Variants in NEK3 observed in about 807,000 individuals in gnomAD.
NEK3 encodes NIMA related kinase 3, also known as serine/threonine-protein kinase Nek3.
Under a neutral mutation model 66.0 loss-of-function variants are expected in NEK3, and 54 were observed. The ratio of observed to expected loss-of-function variants is 0.82; its 90% confidence interval spans 0.66 to 1.03. NEK3 has a LOEUF of 1.03. NEK3 is among the 50% of genes least tolerant of loss of function. NEK3 has a pLI of 0.00. For missense variants in NEK3, 593 were observed against 603.0 expected, an observed-to-expected ratio of 0.98 and a Z score of 0.17; for synonymous variants, 200 against 206.2, an observed-to-expected ratio of 0.97 and a Z score of 0.26.
chr13:52,140,137 C>T (rs542806215), intron 11 of NEK3, among the ~76,000 whole-genome samples: 1 of 146,042 alleles, frequency 6.8e-6, no homozygotes, highest in East Asian at 2.0e-4. Flanking sequence ...ATCACTTGAG[C>T]CCAGGTGTTC....
chr13:52,137,194 A>G (rs1956213565), intron 11 of NEK3, among the ~76,000 whole-genome samples: 1 of 152,174 alleles, frequency 6.6e-6, no homozygotes. Flanking sequence ...ATATATTAAA[A>G]TGACAGCTAT....
chr13:52,139,831 A>T (rs898776551), intron 11 of NEK3, among the ~76,000 whole-genome samples: 2 of 151,788 alleles, frequency 1.3e-5, no homozygotes, highest in Non-Finnish European at 2.9e-5. Context: ...CCCGGGAGGC[A>T]GAGGTTGCAG....
chr13:52,152,583 TAAG>T (rs1260814913), intron 5 of NEK3, 23 bp downstream of exon 5: 3 of 1,470,066 alleles, frequency 2.0e-6, no homozygotes, highest in Admixed American at 3.9e-5. Flanking sequence ...TTTTTTTTTT[TAAG>T]TCCAAAAATG....
At chr13:52,147,522 G>A (rs1337401985) in intron 8 of NEK3, among the ~76,000 whole-genome samples, 1 of 152,152 alleles carries the variant, frequency 6.6e-6, no homozygotes, top group East Asian at 1.9e-4. Context: ...AGACACAAAA[G>A]GGCAAAAGTT....
chr13:52,133,260 C>T lies in NEK3; in HGVS notation c.1437-34G>A, dbSNP rs79672542. On this transcript the variant is annotated intron_variant, in intron 15 of 15. Transcript: ENST00000610828. ...AAACAATTTGGACCATAAACCTCTA[C>T]ATTAGGGGCACAGTATCTGTTGATG... 1,756 of 1,484,266 alleles carry T rather than the reference C, an allele frequency of 1.2e-3. 22 individuals carry two copies. The African/African-American group carries it at 0.022, about 19-fold the overall frequency. 91.9% of individuals were successfully genotyped at this position (1,484,266 alleles called of 1,614,324 possible). A position where few individuals can be genotyped will look rare whatever the true frequency, so the allele number is the denominator to read the frequency against.
chr13:52,139,520 G>T (rs1956230471), intron 11 of NEK3, among the ~76,000 whole-genome samples: 1 of 152,162 alleles, frequency 6.6e-6, no homozygotes, highest in South Asian at 2.1e-4. Context: ...ACAGTATTAT[G>T]AATGTAATTA....
At chr13:52,152,805 G>T in intron 4 of NEK3, 113 bp from the exon 5 acceptor site, 1 of 640,124 alleles carries the variant, frequency 1.6e-6, no homozygotes, top group Non-Finnish European at 2.8e-6. Context: ...TACGTAATGT[G>T]AGTACAGAAC....
At chr13:52,144,371 G>A (rs1002619923) in intron 9 of NEK3, among the ~76,000 whole-genome samples, 3 of 152,076 alleles carry the variant, frequency 2.0e-5, no homozygotes, top group African/African-American at 2.4e-5. Context: ...AGCCAAGATC[G>A]CACCACTGCA....
At chr13:52,155,989 T>C (rs1388377263) in intron 2 of NEK3, 86 bp downstream of exon 2, 2 of 769,840 alleles carry the variant, frequency 2.6e-6, no homozygotes, top group Non-Finnish European at 4.2e-6. Context: ...ATTACAGGTG[T>C]GAGCCACTGT....
At chr13:52,156,315 T>A (rs1956396116) in intron 1 of NEK3, 67 bp from the exon 2 acceptor site, 3 of 644,738 alleles carry the variant, frequency 4.7e-6, no homozygotes, top group Admixed American at 5.0e-5. Context: ...TAATTCAAAG[T>A]AGCTCTCATA....
chr13:52,155,113 C>G (rs890127169), intron 2 of NEK3, among the ~76,000 whole-genome samples: 7 of 151,942 alleles, frequency 4.6e-5, no homozygotes, highest in Non-Finnish European at 7.4e-5. Context: ...GGGTGGAGCA[C>G]AGCAGTCCAT....
Position 52,133,076 on chromosome 13 carries a change from T to C in NEK3, c.*66A>G. ...AAATATACGTCGCATGAACTCATGA[T>C]CATCTCAGCATGAACTCCTGAGTGA... On this transcript the variant is annotated 3_prime_UTR_variant, in exon 16 of 16. Transcript: ENST00000610828. The C allele has an allele frequency of 8.0e-7, 1 of 1,247,548 alleles. No individual in the cohort carries two copies. The highest frequency in any genetic ancestry group is 1.5e-5 in the African/African-American group (1 of 67,712). The allele number at this position is 1,247,548 out of a possible 1,614,324, so 77.3% of individuals were successfully genotyped here. A position where few individuals can be genotyped will look rare whatever the true frequency, so the allele number is the denominator to read the frequency against.
At chr13:52,143,090 G>A (rs1956264303) in intron 10 of NEK3, among the ~76,000 whole-genome samples, 1 of 152,108 alleles carries the variant, frequency 6.6e-6, no homozygotes, top group Non-Finnish European at 1.5e-5. Flanking sequence ...GCCGAGGTGG[G>A]TGGATCACCT....
In NEK3 at chr13:52,152,619, A is replaced by G. The variant is rs754922291; in HGVS notation, c.383T>C (p.Ile128Thr). The G allele has an allele frequency of 1.2e-5, 19 of 1,601,006 alleles. No homozygotes were observed. The East Asian group carries it at 2.7e-4, about 23-fold the overall frequency. The change falls in exon 5 of 16, where the codon ATC (isoleucine) becomes ACC (threonine). Residue 128 changes from isoleucine to threonine, a missense_variant. By Grantham distance (89) the Ile-to-Thr change is moderately conservative. Transcript: ENST00000610828. ...ATGTACTCCACTCACCTTGGACTTG[A>G]TATCTCTGTGTAGCACACGTTTCTT... ...IHKKRVLHRD[I>T]KSKNIFLTQN...
At chr13:52,154,245 T>A in intron 2 of NEK3, 72 bp from the exon 3 acceptor site, 1 of 941,710 alleles carries the variant, frequency 1.1e-6, no homozygotes, top group Non-Finnish European at 1.6e-6. Flanking sequence ...AATAACATGG[T>A]TTATATGACA....
chr13:52,147,085 C>T (rs1956300987), intron 8 of NEK3, among the ~76,000 whole-genome samples: 1 of 152,056 alleles, frequency 6.6e-6, no homozygotes, highest in Non-Finnish European at 1.5e-5. Context: ...TTAAAAATAT[C>T]TTGAAAAAAC....
intron 15 of NEK3, 131 bp from the exon 16 acceptor site, chr13:52,133,357 G>T: frequency 1.3e-6 from 1 of 754,166 alleles, no homozygotes; most frequent in Non-Finnish European, 2.1e-6. Flanking sequence ...CAACTGAAGG[G>T]AAAAAATTGC....
rs1465370507 is a variant in NEK3 at position 52,144,745 on chromosome 13, C to T, written c.750G>A (p.Thr250=). ...GAGCTACGATGCCTCGAGAGAGAAGCGTTGTAGCCGAGGGGCGATGTGAGG... is the reference window on the plus strand; with the variant it reads ...GAGCTACGATGCCTCGAGAGAGAAGTGTTGTAGCCGAGGGGCGATGTGAGG... ...RNPSHRPSAT[T]LLSRGIVARL... Residue 250 remains threonine, a synonymous_variant, in exon 9 of 16, where the codon ACG becomes ACA. Coordinates refer to ENST00000610828, the MANE Select transcript of NEK3 (RefSeq NM_002498.3). The T allele has an allele frequency of 1.9e-6, 3 of 1,613,818 alleles. No homozygotes were observed. Among genetic ancestry groups the T allele is most frequent in the Admixed American group, 1.7e-5 (1 of 60,002 alleles).
In NEK3 at chr13:52,143,935, T is replaced by C. The variant is rs1357232444; in HGVS notation, c.857A>G (p.His286Arg). 4.0e-6 allele frequency: 6 copies of C among 1,496,036 alleles called. No individual in the cohort carries two copies. In the East Asian group the frequency reaches 1.2e-4, roughly 31 times the overall value. The allele number at this position is 1,496,036 out of a possible 1,614,324, so 92.7% of individuals were successfully genotyped here. A position where few individuals can be genotyped will look rare whatever the true frequency, so the allele number is the denominator to read the frequency against. Residue 286 changes from histidine (H) to arginine (R), a missense_variant, in exon 10 of 16, where the codon CAT becomes CGT. By Grantham distance (29) the His-to-Arg change is conservative. Transcript: ENST00000610828. ...EVLEEIKNSK[H>R]NTPRKKTNPS... ...CTTACTTTTTTTTCTTGGTGTGTTA[T>C]GCTTCGAATTTTTTATTTCTTCTAA...
Sources: allele counts gnomAD v4.1 joint callset (sites outside exome capture counted in the v4.1 genomes callset), GRCh38; gene constraint gnomAD v4.1.1; transcripts MANE v1.5; gene names NCBI Gene and HGNC (gene_info 2026-07-23, HGNC 2026-07-21).